The following KIT variants were observed in gnomAD, a reference collection of about 807,000 sequenced individuals.
KIT encodes the protein KIT proto-oncogene, receptor tyrosine kinase, also known as mast/stem cell growth factor receptor Kit.
KIT carries 16 observed loss-of-function variants against 105.7 expected under a neutral mutation model. The ratio of observed to expected loss-of-function variants is 0.15; its 90% CI spans 0.10 to 0.23. The LOEUF (loss-of-function observed/expected upper bound fraction) is 0.23, where lower values mean the gene tolerates loss of function less well. Ranked by LOEUF, KIT falls within the 10% of genes least tolerant of loss-of-function variation. The pLI is 1.00. For synonymous variants in KIT, 438 were observed against 441.1 expected, an observed-to-expected ratio of 0.99 and a Z score of 0.09; for missense variants, 858 against 1,213.8, an observed-to-expected ratio of 0.71 and a Z score of 4.36.
chr4:54,726,347 AT>A (rs2109771101), intron 9 of KIT, among the ~76,000 whole-genome samples: 1 of 152,348 alleles, frequency 6.6e-6, no homozygotes, highest in South Asian at 2.1e-4. Context: ...GGGGGAATAT[AT>A]TTACCTTACA....
chr4:54,685,236 A>G (rs1038878097), intron 1 of KIT, among the ~76,000 whole-genome samples: 3 of 152,130 alleles, frequency 2.0e-5, no homozygotes, highest in African/African-American at 7.2e-5. Flanking sequence ...TCTGTGTGCC[A>G]GTAAGACTCC....
At chr4:54,708,364 C>G (rs1360312095) in intron 6 of KIT, among the ~76,000 whole-genome samples, 1 of 152,000 alleles carries the variant, frequency 6.6e-6, no homozygotes, top group Non-Finnish European at 1.5e-5. Context: ...ATAGACTGAC[C>G]AGGGAGTAGG....
intron 4 of KIT, among the ~76,000 whole-genome samples, chr4:54,701,689 TC>T (rs1720461059): frequency 6.6e-6 from 1 of 152,190 alleles, no homozygotes; most frequent in African/African-American, 2.4e-5. Flanking sequence ...CTGTTTGAGT[TC>T]TGTTGTGGAC....
chr4:54,665,625 T>TA (rs1717637395), intron 1 of KIT, among the ~76,000 whole-genome samples: 1 of 152,092 alleles, frequency 6.6e-6, no homozygotes, highest in South Asian at 2.1e-4. Flanking sequence ...ATCATGGGTG[T>TA]AGGTAACTGG....
chr4:54,659,740 T>C (rs1268985889), intron 1 of KIT, among the ~76,000 whole-genome samples: 1 of 152,154 alleles, frequency 6.6e-6, no homozygotes, highest in African/African-American at 2.4e-5. Flanking sequence ...CTTTTTAATA[T>C]CAGTTAAGCT....
At chr4:54,710,720 T>G (rs1721100077) in intron 7 of KIT, among the ~76,000 whole-genome samples, 1 of 152,124 alleles carries the variant, frequency 6.6e-6, no homozygotes, top group Admixed American at 6.5e-5. Context: ...TTCTGTATTT[T>G]TAGTAGAGAT....
chr4:54,733,360 A>G (rs1722723742), intron 17 of KIT, 168 bp downstream of exon 17: 1 of 645,626 alleles, frequency 1.5e-6, no homozygotes, highest in South Asian at 1.7e-5. Context: ...TATGCTGAAC[A>G]TTACTACAAC....
At position 54,736,745 on chromosome 4, in the gene KIT, C is replaced by T. The variant is rs753419764; in HGVS notation, c.2621C>T (p.Pro874Leu). ...GGAAGCAGCCCCTATCCTGGAATGC[C>T]GGTCGATTCTAAGTTCTACAAGATG... ...SLGSSPYPGM[P>L]VDSKFYKMIK... Residue 874 changes from proline (P) to leucine (L), a missense_variant, in exon 19 of 21, where the codon CCG (proline) becomes CTG (leucine). By Grantham distance (98) the Pro-to-Leu change is moderately conservative. This residue lies in a region of KIT where 63 missense variants were observed against 137.4 expected (regional missense o/e 0.46). Transcript: ENST00000288135. 25 of 1,613,982 alleles carry T rather than the reference C, an allele frequency of 1.5e-5. No homozygotes were observed. The highest frequency in any genetic ancestry group is 1.6e-4 in the Middle Eastern group (1 of 6,084).
chr4:54,676,156 G>C (rs55958262), intron 1 of KIT, among the ~76,000 whole-genome samples: 12,563 of 152,240 alleles, frequency 0.083, 630 homozygotes, highest in African/African-American at 0.15. Context: ...TGAGTTTCTT[G>C]TGGTAGCTGG....
chr4:54,737,150 A>G (rs1722965760), intron 19 of KIT, 25 bp from the exon 20 acceptor site: 11 of 1,447,140 alleles, frequency 7.6e-6, no homozygotes, highest in Non-Finnish European at 7.8e-6. Context: ...TTGAGGAGGG[A>G]TAGTAAATGG....
At chr4:54,705,082 T>C (rs1720705789) in intron 5 of KIT, among the ~76,000 whole-genome samples, 1 of 152,248 alleles carries the variant, frequency 6.6e-6, no homozygotes, top group African/African-American at 2.4e-5. Context: ...GCTATGCTTT[T>C]AAAATATTAA....
At chr4:54,666,806 G>A (rs1167541698) in intron 1 of KIT, among the ~76,000 whole-genome samples, 1 of 152,180 alleles carries the variant, frequency 6.6e-6, no homozygotes, top group Non-Finnish European at 1.5e-5. Context: ...TTTCCTCACT[G>A]CCTTGGCTGT....
intron 9 of KIT, 40 bp from the exon 10 acceptor site, chr4:54,727,178 C>T (rs532603864): frequency 6.4e-7 from 1 of 1,571,180 alleles, no homozygotes; most frequent in African/African-American, 1.3e-5. Context: ...AGATCCCATC[C>T]TGCCAAAGTT....
intron 14 of KIT, 100 bp downstream of exon 14, chr4:54,729,585 A>G: frequency 9.5e-7 from 1 of 1,050,016 alleles, no homozygotes; most frequent in Non-Finnish European, 1.4e-6. Flanking sequence ...GAACTGAGGT[A>G]CTCTGAGGTA....
intron 7 of KIT, among the ~76,000 whole-genome samples, chr4:54,721,342 A>G (rs1297449048): frequency 6.6e-6 from 1 of 152,212 alleles, no homozygotes; most frequent in Non-Finnish European, 1.5e-5. Context: ...TCCCTAGCAA[A>G]TAGCACTCTC....
intron 9 of KIT, 65 bp from the exon 10 acceptor site, chr4:54,727,153 G>T: frequency 7.3e-7 from 1 of 1,374,508 alleles, no homozygotes; most frequent in South Asian, 1.2e-5. Flanking sequence ...GTTTGGGACT[G>T]AGTGGCTGTG....
At chr4:54,736,450 T>C (rs2109810542) in intron 17 of KIT, 48 bp from the exon 18 acceptor site, 1 of 1,347,102 alleles carries the variant, frequency 7.4e-7, no homozygotes, top group East Asian at 2.3e-5. Context: ...TTCAATTTTG[T>C]TGAGCTTCTG....
chr4:54,731,304 C>T lies in KIT; in HGVS notation c.2142-24C>T, dbSNP rs72549298. 8 of 1,545,272 alleles carry T rather than the reference C, an allele frequency of 5.2e-6. No individual in the cohort carries two copies. In the Admixed American group the frequency reaches 1.2e-4, roughly 23 times the overall value. On this transcript the variant is annotated intron_variant, in intron 14 of 20. Coordinates refer to ENST00000288135, the MANE Select transcript of KIT (RefSeq NM_000222.3). The stretch of plus-strand genomic sequence containing the variant: ...TTCTACATGTCCCACTTGATTCAGT[C>T]ATGACTTGTTTCATCTCTCCCAGCA...
rs1355467895 is a variant in KIT at position 54,723,579 on chromosome 4, T to C, written c.1232-5T>C. The C allele has an allele frequency of 1.1e-5, 17 of 1,603,574 alleles. No homozygotes were observed. Among genetic ancestry groups the C allele is most frequent in the Non-Finnish European group, 1.3e-5 (15 of 1,170,592 alleles). ...TGACATATGGCCATTTCTGTTTTCC[T>C]GTAGCAAAACCAGAAATCCTGACTT... is the stretch of plus-strand genomic sequence containing the variant. On this transcript the variant is annotated splice_region_variant and splice_polypyrimidine_tract_variant and intron_variant, in intron 7 of 20. Coordinates refer to ENST00000288135, the MANE Select transcript of KIT (RefSeq NM_000222.3).
Sources: gnomAD v4.1 joint callset for allele counts (sites outside exome capture counted in the v4.1 genomes callset) on GRCh38, gnomAD v4.1.1 for gene constraint, gnomAD v4.1.1 regional missense constraint, MANE v1.5 for transcripts, NCBI Gene and HGNC (gene_info 2026-07-23, HGNC 2026-07-21) for gene names.